ENTREP2: variants seen among roughly 807,000 people sequenced by gnomAD.
The protein encoded by ENTREP2 is protein ENTREP2.
At chr15:29,551,483 C>T in the ENTREP2 span, among the ~76,000 whole-genome samples, 1 of 152,090 alleles carries the variant, frequency 6.6e-6, no homozygotes, top group African/African-American at 2.4e-5. Flanking sequence ...TTCATTATTA[C>T]GTGCTCAATA....
At chr15:29,512,469 G>A in the ENTREP2 span, among the ~76,000 whole-genome samples, 13 of 152,132 alleles carry the variant, frequency 8.5e-5, no homozygotes, top group South Asian at 2.1e-4. Flanking sequence ...ACTGAACTGC[G>A]TCCTCCCAAA....
chr15:29,536,879 C>T, the ENTREP2 span, among the ~76,000 whole-genome samples: 1 of 152,024 alleles, frequency 6.6e-6, no homozygotes, highest in African/African-American at 2.4e-5. Flanking sequence ...TGCCCAAGGA[C>T]TGCTGGCCAC....
the ENTREP2 span, among the ~76,000 whole-genome samples, chr15:29,490,621 T>C: frequency 5.3e-5 from 8 of 152,306 alleles, no homozygotes; most frequent in East Asian, 1.5e-3. Context: ...GATTGGTGTA[T>C]TTACAATCCT....
the ENTREP2 span, among the ~76,000 whole-genome samples, chr15:29,221,770 G>A: frequency 6.6e-6 from 1 of 152,054 alleles, no homozygotes; most frequent in Non-Finnish European, 1.5e-5. Context: ...AGGGAGAAAG[G>A]GCTAAAGAGA....
the ENTREP2 span, among the ~76,000 whole-genome samples, chr15:29,557,106 G>A: frequency 1.1e-4 from 17 of 152,270 alleles, no homozygotes; most frequent in African/African-American, 4.1e-4. Flanking sequence ...AAACACTGCC[G>A]GTCATGTGTC....
chr15:29,182,815 CAA>C, the ENTREP2 span, among the ~76,000 whole-genome samples: 1 of 151,724 alleles, frequency 6.6e-6, no homozygotes, highest in South Asian at 2.1e-4. Flanking sequence ...AATGTGGTAA[CAA>C]GAGAGACAAG....
At chr15:29,509,360 C>T in the ENTREP2 span, among the ~76,000 whole-genome samples, 1 of 152,128 alleles carries the variant, frequency 6.6e-6, no homozygotes, top group Admixed American at 6.5e-5. Context: ...CTATTCCCAT[C>T]AAGCTACCAT....
At chr15:29,540,873 T>G in the ENTREP2 span, among the ~76,000 whole-genome samples, 1 of 152,202 alleles carries the variant, frequency 6.6e-6, no homozygotes, top group African/African-American at 2.4e-5. Context: ...TATCTTAAAA[T>G]AAATGAAAAG....
At chr15:29,544,561 T>A in the ENTREP2 span, among the ~76,000 whole-genome samples, 1 of 152,108 alleles carries the variant, frequency 6.6e-6, no homozygotes, top group African/African-American at 2.4e-5. Flanking sequence ...TCGGTAGTTA[T>A]TTGAATAACT....
the ENTREP2 span, among the ~76,000 whole-genome samples, chr15:29,455,670 C>A: frequency 0.037 from 5,608 of 152,252 alleles, 142 homozygotes; most frequent in South Asian, 0.11. Flanking sequence ...CCCAGGCCAC[C>A]GACCAGTATC....
the ENTREP2 span, among the ~76,000 whole-genome samples, chr15:29,331,869 C>T: frequency 6.6e-6 from 1 of 152,224 alleles, no homozygotes; most frequent in Admixed American, 6.5e-5. Context: ...CCCATCACAC[C>T]TGCAGCACTG....
chr15:29,159,635 A>T, the ENTREP2 span, among the ~76,000 whole-genome samples: 1 of 152,146 alleles, frequency 6.6e-6, no homozygotes, highest in Non-Finnish European at 1.5e-5. Flanking sequence ...CCATGTCACA[A>T]CTAGATTAGC....
the ENTREP2 span, among the ~76,000 whole-genome samples, chr15:29,384,527 T>C: frequency 6.6e-6 from 1 of 152,218 alleles, no homozygotes; most frequent in East Asian, 1.9e-4. Flanking sequence ...CCTGACAATT[T>C]AGACCACAAA....
the ENTREP2 span, among the ~76,000 whole-genome samples, chr15:29,323,322 C>G: frequency 1.3e-5 from 2 of 152,086 alleles, no homozygotes; most frequent in African/African-American, 4.8e-5. Context: ...TCAATCATGC[C>G]TACACAATGA....
chr15:29,404,630 C>T, the ENTREP2 span, among the ~76,000 whole-genome samples: 3 of 151,954 alleles, frequency 2.0e-5, no homozygotes, highest in Non-Finnish European at 4.4e-5. Flanking sequence ...CCCATACCTC[C>T]CCTCCCCTCC....
chr15:29,280,410 A>G, the ENTREP2 span, among the ~76,000 whole-genome samples: 1 of 152,186 alleles, frequency 6.6e-6, no homozygotes, highest in Non-Finnish European at 1.5e-5. Flanking sequence ...CAGACAAAAT[A>G]AAGAAGAATG....
the ENTREP2 span, among the ~76,000 whole-genome samples, chr15:29,657,623 CGCTGATTGGTGAGTTTTACAGAGT>C: frequency 1.6e-3 from 249 of 151,990 alleles, no homozygotes; most frequent in East Asian, 0.02. Flanking sequence ...TTTTACAGAA[CGCTGATTGGTGAGTTTTACAGAGT>C]GCTGATTGGT....
the ENTREP2 span, chr15:29,610,104 T>A: frequency 1.5e-4 from 23 of 150,748 alleles, no homozygotes; most frequent in African/African-American, 5.1e-4. Flanking sequence ...GTCCTAGCCC[T>A]GTTGGAGCTC....
At chr15:29,188,526 T>C in the ENTREP2 span, among the ~76,000 whole-genome samples, 1 of 152,184 alleles carries the variant, frequency 6.6e-6, no homozygotes, top group African/African-American at 2.4e-5. Context: ...TTTCTGTTCC[T>C]GTGTTAGTTT....
Sources: gnomAD v4.1 joint callset for allele counts (sites outside exome capture counted in the v4.1 genomes callset) on GRCh38, gnomAD v4.1.1 for gene constraint, MANE v1.5 for transcripts, NCBI Gene and HGNC (gene_info 2026-07-23, HGNC 2026-07-21) for gene names.